Variants in LIMD1 observed in about 807,000 individuals in gnomAD.
LIMD1 encodes the protein LIM domain-containing protein 1.
A neutral mutation model predicts 58.4 loss-of-function variants in LIMD1; 23 were observed. That is an observed-to-expected ratio of 0.39 (90% CI 0.28 to 0.56). LIMD1 has a LOEUF of 0.56. Among genes scored for constraint, LIMD1 ranks in the 20% least tolerant of loss-of-function variants. The pLI is 0.57. For missense variants in LIMD1, 838 were observed against 855.5 expected (o/e 0.98, Z 0.25); for synonymous variants, 334 against 345.5 (o/e 0.97, Z 0.37).
At chr3:45,596,634 T>C (rs1024498696) in intron 1 of LIMD1, among the ~76,000 whole-genome samples, 5 of 152,042 alleles carry the variant, frequency 3.3e-5, no homozygotes, top group African/African-American at 1.2e-4. Flanking sequence ...CAGGCTCATA[T>C]AGGACTTCAG....
intron 2 of LIMD1, among the ~76,000 whole-genome samples, chr3:45,659,010 T>C (rs1697389774): frequency 6.6e-6 from 1 of 152,206 alleles, no homozygotes; most frequent in Non-Finnish European, 1.5e-5. Flanking sequence ...ATAAGGGTTT[T>C]CTTTTAAGAT....
chr3:45,666,313 C>T (rs954205001), intron 3 of LIMD1, among the ~76,000 whole-genome samples: 6 of 152,200 alleles, frequency 3.9e-5, no homozygotes, highest in South Asian at 2.1e-4. Context: ...TCTGTGCTGC[C>T]ATGTCTTCCA....
intron 2 of LIMD1, among the ~76,000 whole-genome samples, chr3:45,645,332 C>CGTCTT (rs1559521395): frequency 6.6e-6 from 1 of 152,224 alleles, no homozygotes; most frequent in Non-Finnish European, 1.5e-5. Flanking sequence ...ACAGGGAAGA[C>CGTCTT]CATCAGATTC....
chr3:45,616,489 C>T (rs1286652107), intron 1 of LIMD1, among the ~76,000 whole-genome samples: 2 of 152,202 alleles, frequency 1.3e-5, no homozygotes, highest in Non-Finnish European at 2.9e-5. Flanking sequence ...CCCCCGACCC[C>T]TTCTTCCTCA....
intron 2 of LIMD1, among the ~76,000 whole-genome samples, chr3:45,648,560 T>C (rs1701930349): frequency 6.6e-6 from 1 of 152,260 alleles, no homozygotes; most frequent in African/African-American, 2.4e-5. Flanking sequence ...GGCAGGTGTT[T>C]ATGTGAATGT....
chr3:45,615,929 CA>C, intron 1 of LIMD1, among the ~76,000 whole-genome samples: 1 of 152,036 alleles, frequency 6.6e-6, no homozygotes, highest in African/African-American at 2.4e-5. Flanking sequence ...TGCTGTTTTT[CA>C]AGTGTCTTTA....
Position 45,621,169 on chromosome 3 carries a change from G to A in LIMD1, c.1409-14981G>A, listed in dbSNP as rs74282587. Among the ~76,000 whole-genome samples the A allele has an allele frequency of 2.6e-3, 394 of 152,300 alleles. 9 individuals carry two copies. In the East Asian group the frequency reaches 0.065, roughly 25 times the overall value. ...CCAAGAGAGACAACCACTAAATGCA[G>A]TGGATTTAGTTCCAGGATTGAATTC... is the stretch of plus-strand genomic sequence containing the variant. On this transcript the variant is annotated intron_variant, in intron 1 of 7. Transcript: ENST00000273317.
chr3:45,648,731 G>A (rs1701931725), intron 2 of LIMD1, among the ~76,000 whole-genome samples: 5 of 152,068 alleles, frequency 3.3e-5, no homozygotes, highest in Admixed American at 2.6e-4. Flanking sequence ...CCTTGCCAAC[G>A]CTTAGGCTTA....
In LIMD1 at chr3:45,682,247, G is replaced by A. The variant is rs1575372615; in HGVS notation, c.*5188G>A. The A allele has an allele frequency of 6.6e-6, 1 of 152,196 alleles. No individual in the cohort carries two copies. Among genetic ancestry groups the A allele is most frequent in the East Asian group, 1.9e-4 (1 of 5,188 alleles). 9.4% of individuals were successfully genotyped at this position (152,196 alleles called of 1,614,324 possible). On this transcript the variant is annotated 3_prime_UTR_variant, in exon 8 of 8. Transcript: ENST00000273317. ...GCTGCTATTTGCTTAAGACCTTGATGGTATAAGGAGTGAAGATGCAATCAG... is the reference window on the plus strand; with the variant it reads ...GCTGCTATTTGCTTAAGACCTTGATAGTATAAGGAGTGAAGATGCAATCAG...
intron 1 of LIMD1, among the ~76,000 whole-genome samples, chr3:45,619,839 C>T (rs879747850): frequency 3.9e-5 from 4 of 101,884 alleles, no homozygotes; most frequent in African/African-American, 9.1e-5. Flanking sequence ...CCCCCCCCCC[C>T]AAAAAAAGCA....
chr3:45,622,438 T>C (rs79584274), intron 1 of LIMD1, among the ~76,000 whole-genome samples: 1,675 of 152,236 alleles, frequency 0.011, 26 homozygotes, highest in African/African-American at 0.039. Context: ...TATGATAAAC[T>C]TTAAATTACA....
chr3:45,620,398 T>C (rs1701618563), intron 1 of LIMD1, among the ~76,000 whole-genome samples: 1 of 152,198 alleles, frequency 6.6e-6, no homozygotes, highest in African/African-American at 2.4e-5. Flanking sequence ...GGGAAAACTT[T>C]TGTACAGAGG....
At position 45,682,293 on chromosome 3, in the gene LIMD1, TGTG is replaced by T. The variant is rs955501876; in HGVS notation, c.*5238_*5240del. 7.2e-5 allele frequency: 11 copies of T among 152,360 alleles called. No individual in the cohort carries two copies. Among genetic ancestry groups the T allele is most frequent in the African/African-American group, 2.6e-4 (11 of 41,560 alleles). 9.4% of individuals were successfully genotyped at this position (152,360 alleles called of 1,614,324 possible). A position where few individuals can be genotyped will look rare whatever the true frequency, so the allele number is the denominator to read the frequency against. On this transcript the variant is annotated 3_prime_UTR_variant, in exon 8 of 8. Transcript: ENST00000273317. ...ATCAGGGTAAAAGGCGGTCTGGAGTTGTGGTGTGCTGGCAAACCAGCCCTCTGG... is the reference window on the plus strand; with the variant it reads ...ATCAGGGTAAAAGGCGGTCTGGAGTTGTGTGCTGGCAAACCAGCCCTCTGG...
chr3:45,606,645 A>T (rs1185104785), intron 1 of LIMD1, among the ~76,000 whole-genome samples: 1 of 152,232 alleles, frequency 6.6e-6, no homozygotes, highest in Non-Finnish European at 1.5e-5. Context: ...CCATGTCCTC[A>T]GGGGTGCTCG....
At chr3:45,668,671 TGAACCCTGGAG>T (rs1206085676) in intron 4 of LIMD1, among the ~76,000 whole-genome samples, 1 of 151,912 alleles carries the variant, frequency 6.6e-6, no homozygotes, top group Non-Finnish European at 1.5e-5. Context: ...GAGAATTGTT[TGAACCCTGGAG>T]GCGGAGTTTG....
chr3:45,674,829 G>C (rs925149452), intron 7 of LIMD1, among the ~76,000 whole-genome samples: 11 of 152,140 alleles, frequency 7.2e-5, no homozygotes, highest in Non-Finnish European at 1.3e-4. Flanking sequence ...TGGAAATCAT[G>C]AAGCCCCTCT....
chr3:45,597,002 C>A (rs1390736483), intron 1 of LIMD1, among the ~76,000 whole-genome samples: 2 of 150,280 alleles, frequency 1.3e-5, no homozygotes, highest in African/African-American at 4.9e-5. Flanking sequence ...GCTGGGACTA[C>A]AGGCACGTGC....
intron 1 of LIMD1, among the ~76,000 whole-genome samples, chr3:45,604,133 C>T (rs534897307): frequency 1.3e-5 from 2 of 152,348 alleles, no homozygotes; most frequent in African/African-American, 4.8e-5. Context: ...GAATGGAGAT[C>T]GTGTGGCTGA....
intron 1 of LIMD1, among the ~76,000 whole-genome samples, chr3:45,616,839 C>T (rs1174015344): frequency 3.3e-5 from 5 of 151,372 alleles, no homozygotes; most frequent in Admixed American, 6.6e-5. Flanking sequence ...ACTGCAGCCT[C>T]TGTCTCCCGG....
Sources: allele counts gnomAD v4.1 joint callset (sites outside exome capture counted in the v4.1 genomes callset), GRCh38; gene constraint gnomAD v4.1.1; transcripts MANE v1.5; gene names NCBI Gene and HGNC (gene_info 2026-07-23, HGNC 2026-07-21).